Variants in CCDC171 observed in about 807,000 individuals in gnomAD.
CCDC171 encodes coiled-coil domain-containing protein 171.
A neutral mutation model predicts 168.2 loss-of-function variants in CCDC171; 177 were observed. That is an observed-to-expected ratio of 1.05 (90% CI 0.93 to 1.19). CCDC171 has a LOEUF of 1.19. Among genes scored for constraint, CCDC171 ranks in the 50% most tolerant of loss-of-function variants. CCDC171 has a pLI of 0.00. For synonymous variants in CCDC171, 687 were observed against 540.8 expected, an observed-to-expected ratio of 1.27 and a Z score of -3.75; for missense variants, 1,991 against 1,539.0, an observed-to-expected ratio of 1.29 and a Z score of -4.91.
At chr9:15,648,995 C>G (rs1435790163) in intron 7 of CCDC171, among the ~76,000 whole-genome samples, 1 of 152,170 alleles carries the variant, frequency 6.6e-6, no homozygotes, top group Admixed American at 6.5e-5. Context: ...TGACTTCAAA[C>G]TATACTACAA....
intron 16 of CCDC171, among the ~76,000 whole-genome samples, chr9:15,737,248 G>GCTTT (rs2054557322): frequency 4.6e-5 from 7 of 152,038 alleles, no homozygotes; most frequent in African/African-American, 1.7e-4. Flanking sequence ...GTAACAAAGA[G>GCTTT]GTATACTATA....
chr9:15,977,818 A>G (rs1831669646), downstream of CCDC171, among the ~76,000 whole-genome samples: 1 of 152,218 alleles, frequency 6.6e-6, no homozygotes, highest in Non-Finnish European at 1.5e-5. Flanking sequence ...CAAGAATATA[A>G]GGTGACCTGT....
intron 6 of CCDC171, among the ~76,000 whole-genome samples, chr9:15,604,002 A>G (rs918207321): frequency 6.6e-6 from 1 of 151,584 alleles, no homozygotes; most frequent in African/African-American, 2.4e-5. Context: ...TCTGATGATC[A>G]GTGATGTTGA....
intron 6 of CCDC171, among the ~76,000 whole-genome samples, chr9:15,600,518 C>T (rs1034681926): frequency 7.9e-5 from 12 of 152,228 alleles, no homozygotes; most frequent in South Asian, 4.2e-4. Context: ...GAGGAGTACC[C>T]GGCCGTGTGA....
intron 23 of CCDC171, among the ~76,000 whole-genome samples, chr9:15,856,904 A>G (rs142145859): frequency 2.6e-5 from 4 of 151,932 alleles, no homozygotes; most frequent in Admixed American, 6.6e-5. Flanking sequence ...TAGTCATCCT[A>G]ATAGGTATGA....
chr9:15,659,811 A>G (rs563210355), intron 8 of CCDC171, among the ~76,000 whole-genome samples: 1 of 152,296 alleles, frequency 6.6e-6, no homozygotes, highest in Non-Finnish European at 1.5e-5. Context: ...GTTTAGACTA[A>G]AAAAGTTATT....
In CCDC171 at chr9:15,787,771, C is replaced by G. The variant is rs185952990; in HGVS notation, c.3267+3077C>G. 1.1e-3 allele frequency among the ~76,000 whole-genome samples: 175 copies of G among 152,286 alleles called. 1 individual carries two copies. The highest frequency in any genetic ancestry group is 3.9e-3 in the Admixed American group (60 of 15,292). On this transcript the variant is annotated intron_variant, in intron 21 of 25. Transcript: ENST00000380701. Reference sequence around the variant, plus strand: ...TATGAGAATGGCAACTTTGGCCCTACCTGGCTATTACTATTTAAAACATTT... The same window carrying G: ...TATGAGAATGGCAACTTTGGCCCTAGCTGGCTATTACTATTTAAAACATTT...
chr9:15,751,706 A>C (rs1588297417), intron 18 of CCDC171, among the ~76,000 whole-genome samples: 1 of 152,188 alleles, frequency 6.6e-6, no homozygotes, highest in Non-Finnish European at 1.5e-5. Context: ...GGCTAGTCAT[A>C]TGTAGAAAGC....
chr9:16,107,180 C>T, the CCDC171 span, among the ~76,000 whole-genome samples: 17 of 152,098 alleles, frequency 1.1e-4, 1 homozygote, highest in Admixed American at 7.2e-4. Flanking sequence ...GACAAGGCCT[C>T]GCTCTGTCAC....
At chr9:15,733,105 A>G (rs771933456) in intron 16 of CCDC171, among the ~76,000 whole-genome samples, 1 of 151,940 alleles carries the variant, frequency 6.6e-6, no homozygotes, top group South Asian at 2.1e-4. Flanking sequence ...TGCTATCTGT[A>G]TATCTTTTTT....
chr9:16,004,089 C>T (rs1385442528), intron 3 of CCDC171, among the ~76,000 whole-genome samples: 1 of 152,194 alleles, frequency 6.6e-6, no homozygotes, highest in Non-Finnish European at 1.5e-5. Context: ...CAGAAAGGAA[C>T]ACGCGGGAGT....
In CCDC171 at chr9:15,642,088, C is replaced by T. The variant is rs374503315; in HGVS notation, c.823-15039C>T. Among the ~76,000 whole-genome samples, 136 of 151,940 alleles carry T rather than the reference C, an allele frequency of 9.0e-4. 2 individuals are homozygous for T. The highest frequency in any genetic ancestry group is 3.1e-3 in the African/African-American group (130 of 41,426). On this transcript the variant is annotated intron_variant, in intron 7 of 25. Coordinates refer to ENST00000380701, the MANE Select transcript of CCDC171 (RefSeq NM_173550.4). ...CTGAGGCAGGACAATTGCTTGAAAC[C>T]AGGAGGTGGTTGCAGTGAGCTGAGA...
intron 11 of CCDC171, among the ~76,000 whole-genome samples, chr9:15,701,499 G>T (rs911984398): frequency 7.9e-5 from 12 of 151,204 alleles, no homozygotes; most frequent in African/African-American, 2.9e-4. Context: ...TGCTCCGTCA[G>T]TTGACTCTTA....
chr9:15,677,879 C>CAT lies in CCDC171; in HGVS notation c.1077-833_1077-832dup, dbSNP rs71325929. 6.7e-3 allele frequency among the ~76,000 whole-genome samples: 84 copies of CAT among 12,480 alleles called. 5 individuals carry two copies. Among genetic ancestry groups the CAT allele is most frequent in the African/African-American group, 8.2e-3 (36 of 4,392 alleles). The allele number at this position is 12,480 out of a possible 152,430, so 8.2% of individuals were successfully genotyped here. A position where few individuals can be genotyped will look rare whatever the true frequency, so the allele number is the denominator to read the frequency against. On this transcript the variant is annotated intron_variant, in intron 9 of 25. Transcript: ENST00000380701. ...TGTATATATATATGTGTGTGTGTGTCATATATATATATATATATATATATA... is the reference window on the plus strand; with the variant it reads ...TGTATATATATATGTGTGTGTGTGTCATATATATATATATATATATATATATA...
At chr9:15,967,643 A>G (rs1259167958) in intron 25 of CCDC171, among the ~76,000 whole-genome samples, 1 of 152,184 alleles carries the variant, frequency 6.6e-6, no homozygotes, top group African/African-American at 2.4e-5. Context: ...CCTCATTTGG[A>G]TGGACTAATT....
At chr9:15,942,668 G>T (rs796431474) in intron 25 of CCDC171, among the ~76,000 whole-genome samples, 1 of 151,892 alleles carries the variant, frequency 6.6e-6, no homozygotes, top group African/African-American at 2.4e-5. Flanking sequence ...TAAGTTCTAA[G>T]TTCAGGTAAA....
At chr9:15,805,321 T>G (rs1563769004) in intron 21 of CCDC171, among the ~76,000 whole-genome samples, 1 of 152,132 alleles carries the variant, frequency 6.6e-6, no homozygotes, top group Non-Finnish European at 1.5e-5. Flanking sequence ...TCAAGTCCTT[T>G]TAGTTGTGAT....
At chr9:15,958,247 C>G in intron 25 of CCDC171, among the ~76,000 whole-genome samples, 1 of 152,004 alleles carries the variant, frequency 6.6e-6, no homozygotes, top group Non-Finnish European at 1.5e-5. Context: ...CCTGTGGCTT[C>G]AAGGAGTGAA....
chr9:16,076,754 C>T, the CCDC171 span, among the ~76,000 whole-genome samples: 1 of 152,192 alleles, frequency 6.6e-6, no homozygotes, highest in African/African-American at 2.4e-5. Context: ...TGTTGAAACC[C>T]TGACAAGTCC....
Sources: gnomAD v4.1 joint callset for allele counts (sites outside exome capture counted in the v4.1 genomes callset) on GRCh38, gnomAD v4.1.1 for gene constraint, MANE v1.5 for transcripts, NCBI Gene and HGNC (gene_info 2026-07-23, HGNC 2026-07-21) for gene names.